The following NDUFA12 variants were observed in gnomAD, a reference collection of about 807,000 sequenced individuals.
The protein encoded by NDUFA12 is NADH dehydrogenase [ubiquinone] 1 alpha subcomplex subunit 12.
A neutral mutation model predicts 20.3 loss-of-function variants in NDUFA12; 17 were observed. The observed-to-expected ratio is 0.84, with a 90% CI of 0.57 to 1.26. The LOEUF (loss-of-function observed/expected upper bound fraction) is 1.26, where lower values mean the gene tolerates loss of function less well. NDUFA12 is among the 50% of genes most tolerant of loss of function. NDUFA12 has a pLI of 0.00. For missense variants in NDUFA12, 191 were observed against 183.7 expected (o/e 1.04, Z -0.23); for synonymous variants, 72 against 63.6 (o/e 1.13, Z -0.63).
At chr12:94,995,183 C>T (rs1256776579) in intron 2 of NDUFA12, among the ~76,000 whole-genome samples, 1 of 152,142 alleles carries the variant, frequency 6.6e-6, no homozygotes, top group Non-Finnish European at 1.5e-5. Context: ...ACAGGGTTTT[C>T]CCAGGTAAAC....
At chr12:94,974,985 T>C (rs540407299) in intron 3 of NDUFA12, among the ~76,000 whole-genome samples, 3 of 152,310 alleles carry the variant, frequency 2.0e-5, no homozygotes, top group Admixed American at 6.5e-5. Context: ...AATAACTTAA[T>C]TGTACATTTT....
chr12:94,992,814 G>A (rs933721461), intron 3 of NDUFA12, among the ~76,000 whole-genome samples: 2 of 152,086 alleles, frequency 1.3e-5, no homozygotes, highest in African/African-American at 2.4e-5. Flanking sequence ...GAGTCTTCCA[G>A]CTGAGGCTCC....
chr12:95,001,220 G>A (rs758831614), intron 2 of NDUFA12, among the ~76,000 whole-genome samples: 5 of 152,078 alleles, frequency 3.3e-5, no homozygotes, highest in Admixed American at 6.6e-5. Context: ...GCAGGAGGAA[G>A]GCTAGAACCC....
intron 3 of NDUFA12, among the ~76,000 whole-genome samples, chr12:94,980,586 TA>T (rs11352462): frequency 0.89 from 133,966 of 150,782 alleles, 59,704 homozygotes; most frequent in African/African-American, 0.96. Context: ...TATTTTCTGT[TA>T]AAAAAAAAAA....
intron 2 of NDUFA12, among the ~76,000 whole-genome samples, chr12:94,995,361 G>A (rs189837181): frequency 1.8e-3 from 273 of 152,300 alleles, no homozygotes; most frequent in Middle Eastern, 6.8e-3. Context: ...GCAGGCAGAT[G>A]GAGGAGACCT....
Position 94,994,245 on chromosome 12 carries a change from C to T in NDUFA12, c.182G>A (p.Trp61Ter), listed in dbSNP as rs748513094. 3 of 1,614,090 alleles carry T rather than the reference C, an allele frequency of 1.9e-6. No homozygotes were observed. Among genetic ancestry groups the T allele is most frequent in the Non-Finnish European group, 2.5e-6 (3 of 1,179,984 alleles). The part of the protein sequence containing the change: ...DNKQFFGRHR[W>*]VVYTTEMNGK... Reference sequence around the variant, plus strand: ...ATTCATTTCAGTAGTATATACAACCCATCGGTGACGGCCTGGGTGGGAAGA... The same window carrying T: ...ATTCATTTCAGTAGTATATACAACCTATCGGTGACGGCCTGGGTGGGAAGA... The change falls in exon 3 of 4, where the codon TGG (tryptophan) becomes TAG (stop). Residue 61 changes from tryptophan (W) to a stop codon, truncating the protein, a stop_gained. Transcript: ENST00000327772. LOFTEE classifies it high-confidence loss of function.
rs552784836 is a variant in NDUFA12 at position 94,983,038 on chromosome 12, C to T, written c.257+11132G>A. Reference sequence around the variant, plus strand: ...CTGTCTACTCACCTTCTCACGTGGTCGTCTATCAAGCTTCTCATACTTAAC... The same window carrying T: ...CTGTCTACTCACCTTCTCACGTGGTTGTCTATCAAGCTTCTCATACTTAAC... On this transcript the variant is annotated intron_variant, in intron 3 of 3. Coordinates refer to ENST00000327772, the MANE Select transcript of NDUFA12 (RefSeq NM_018838.5). 4.6e-5 allele frequency among the ~76,000 whole-genome samples: 7 copies of T among 152,202 alleles called. No individual in the cohort carries two copies. In the South Asian group the frequency reaches 1.2e-3, roughly 27 times the overall value.
At chr12:94,998,983 T>C (rs1051331666) in intron 2 of NDUFA12, among the ~76,000 whole-genome samples, 1 of 152,060 alleles carries the variant, frequency 6.6e-6, no homozygotes, top group Non-Finnish European at 1.5e-5. Flanking sequence ...GAAAAAACAA[T>C]TCTAAAATTC....
chr12:94,971,874 A>G, intron 3 of NDUFA12: 1 of 667,784 alleles, frequency 1.5e-6, no homozygotes, highest in Non-Finnish European at 2.7e-6. Context: ...CAGATACGCA[A>G]CAAATGTTAG....
Position 94,994,151 on chromosome 12 carries a change from A to G in NDUFA12, c.257+19T>C, listed in dbSNP as rs1279283631. Reference sequence around the variant, plus strand: ...AAAAGAAAAAAAAGAAAGACAAATAAAATGTTGTCTTAGCTTACCATTCAG... The same window carrying G: ...AAAAGAAAAAAAAGAAAGACAAATAGAATGTTGTCTTAGCTTACCATTCAG... On this transcript the variant is annotated intron_variant, in intron 3 of 3. Coordinates refer to ENST00000327772, the MANE Select transcript of NDUFA12 (RefSeq NM_018838.5). 1.9e-6 allele frequency: 3 copies of G among 1,605,934 alleles called. No homozygotes were observed. Among genetic ancestry groups the G allele is most frequent in the Non-Finnish European group, 2.6e-6 (3 of 1,172,690 alleles).
intron 2 of NDUFA12, among the ~76,000 whole-genome samples, chr12:94,996,580 G>T (rs1244508774): frequency 6.6e-6 from 1 of 152,040 alleles, no homozygotes; most frequent in African/African-American, 2.4e-5. Context: ...AGCACTTTGG[G>T]AGGCTGAGGC....
chr12:94,996,819 C>A (rs76446529), intron 2 of NDUFA12: 171 of 153,298 alleles, frequency 1.1e-3, no homozygotes, highest in African/African-American at 1.7e-3. Context: ...AACTCTGTCT[C>A]AAAAAAAAAA....
At chr12:94,976,028 A>G (rs1195164384) in intron 3 of NDUFA12, among the ~76,000 whole-genome samples, 5 of 152,136 alleles carry the variant, frequency 3.3e-5, no homozygotes, top group East Asian at 1.9e-4. Flanking sequence ...TCCCATTTCT[A>G]AAAAAAGAGA....
chr12:94,979,835 C>CA (rs35821688), intron 3 of NDUFA12, among the ~76,000 whole-genome samples: 62,793 of 137,096 alleles, frequency 0.46, 13,550 homozygotes, highest in African/African-American at 0.49. Context: ...GACCCTGTCT[C>CA]AAAAAAAAAA....
chr12:94,990,473 A>C (rs1874602206), intron 3 of NDUFA12, among the ~76,000 whole-genome samples: 1 of 152,154 alleles, frequency 6.6e-6, no homozygotes, highest in Admixed American at 6.5e-5. Context: ...CCCACGCTGG[A>C]GTACAGTGGT....
At chr12:94,975,295 T>C (rs1266623796) in intron 3 of NDUFA12, among the ~76,000 whole-genome samples, 1 of 151,978 alleles carries the variant, frequency 6.6e-6, no homozygotes, top group East Asian at 1.9e-4. Flanking sequence ...AAGTCAAATA[T>C]CCAATAGAAA....
intron 3 of NDUFA12, among the ~76,000 whole-genome samples, chr12:94,984,709 A>C (rs531594589): frequency 1.5e-3 from 151 of 100,662 alleles, no homozygotes; most frequent in Admixed American, 2.4e-3. Context: ...TCTAATGCTA[A>C]TAGCCAAAAA....
At chr12:94,982,343 G>C (rs1248995848) in intron 3 of NDUFA12, among the ~76,000 whole-genome samples, 1 of 148,380 alleles carries the variant, frequency 6.7e-6, no homozygotes, top group Non-Finnish European at 1.5e-5. Flanking sequence ...GTGTGATCTC[G>C]GCTCACTGCA....
chr12:94,989,994 C>T (rs1044894564), intron 3 of NDUFA12, among the ~76,000 whole-genome samples: 2 of 152,072 alleles, frequency 1.3e-5, no homozygotes, highest in Non-Finnish European at 2.9e-5. Context: ...TAAACAAAAA[C>T]CAGGACACCT....
Sources: allele counts gnomAD v4.1 joint callset (sites outside exome capture counted in the v4.1 genomes callset), GRCh38; gene constraint gnomAD v4.1.1; transcripts MANE v1.5; gene names NCBI Gene and HGNC (gene_info 2026-07-23, HGNC 2026-07-21).